FSHR: variants seen among roughly 807,000 people sequenced by gnomAD.
The protein encoded by FSHR is follicle stimulating hormone receptor, also known as follicle-stimulating hormone receptor.
FSHR carries 46 observed loss-of-function variants against 52.1 expected under a neutral mutation model. The ratio of observed to expected loss-of-function variants is 0.88; its 90% CI spans 0.70 to 1.13. The LOEUF is 1.13. Among genes scored for constraint, FSHR ranks in the 50% most tolerant of loss-of-function variants. FSHR has a pLI of 0.00. For synonymous variants in FSHR, 399 were observed against 309.6 expected (o/e 1.29, Z -3.03); for missense variants, 964 against 834.6 (o/e 1.16, Z -1.91).
chr2:48,967,007 C>G (rs759019887), intron 9 of FSHR, among the ~76,000 whole-genome samples: 7 of 152,170 alleles, frequency 4.6e-5, no homozygotes, highest in Non-Finnish European at 1.0e-4. Context: ...CTAGAGGAGT[C>G]TGAGTAACAC....
intron 2 of FSHR, among the ~76,000 whole-genome samples, chr2:49,056,911 T>C (rs1669086762): frequency 6.6e-6 from 1 of 152,108 alleles, no homozygotes; most frequent in Non-Finnish European, 1.5e-5. Context: ...CATTTCTGAA[T>C]AATCAATGGG....
At chr2:49,037,084 C>T (rs1304244945) in intron 2 of FSHR, among the ~76,000 whole-genome samples, 1 of 152,142 alleles carries the variant, frequency 6.6e-6, no homozygotes, top group Non-Finnish European at 1.5e-5. Flanking sequence ...GAACTACTTG[C>T]ATAAAGCCTG....
intron 3 of FSHR, 61 bp downstream of exon 3, chr2:49,020,024 GA>G (rs1667632539): frequency 3.6e-6 from 5 of 1,388,666 alleles, no homozygotes; most frequent in Non-Finnish European, 5.1e-6. Flanking sequence ...CAGGAATGTA[GA>G]AGAACTTTAA....
chr2:49,086,768 G>C (rs1670408464), intron 1 of FSHR, among the ~76,000 whole-genome samples: 1 of 152,136 alleles, frequency 6.6e-6, no homozygotes, highest in Non-Finnish European at 1.5e-5. Context: ...AGCCTCCCAG[G>C]TAGCTGGGAT....
At chr2:49,093,595 CTTTTT>C (rs375094387) in intron 1 of FSHR, among the ~76,000 whole-genome samples, 1 of 132,942 alleles carries the variant, frequency 7.5e-6, no homozygotes, top group African/African-American at 2.8e-5. Flanking sequence ...TTATATTTAT[CTTTTT>C]TTTTTTTTTT....
At chr2:49,006,757 C>G (rs1186756086) in intron 4 of FSHR, among the ~76,000 whole-genome samples, 2 of 152,102 alleles carry the variant, frequency 1.3e-5, no homozygotes, top group South Asian at 4.1e-4. Flanking sequence ...CTTTTCTCCC[C>G]AAAGGACTGA....
Position 48,982,973 on chromosome 2 carries a change from T to C in FSHR, c.607A>G (p.Asn203Asp). 6.2e-7 allele frequency: 1 copy of C among 1,613,988 alleles called. No individual in the cohort carries two copies. The highest frequency in any genetic ancestry group is 1.1e-5 in the South Asian group (1 of 91,076). The change falls in exon 8 of 10, where the codon AAT (asparagine) becomes GAT (aspartate). Residue 203 changes from asparagine to aspartate, a missense_variant. Physicochemically the swap from Asn to Asp is conservative, Grantham distance 23. Coordinates refer to ENST00000406846, the MANE Select transcript of FSHR (RefSeq NM_000145.4). ...TTAGGCAATTCTTCTAAATTATTAT[T>C]ATCGCTTAGATTCCTGGGGATGGGG... is the stretch of plus-strand genomic sequence containing the variant. ...TQLDELNLSD[N>D]NNLEELPNDV... is the part of the protein sequence containing the mutation.
chr2:49,132,568 A>C (rs1236249110), intron 1 of FSHR, among the ~76,000 whole-genome samples: 1 of 152,182 alleles, frequency 6.6e-6, no homozygotes, highest in Non-Finnish European at 1.5e-5. Context: ...GGACATGCAT[A>C]CTGAATTATT....
At chr2:49,021,886 T>TATATATATATATAGAGAGAG (rs1273265515) in intron 2 of FSHR, among the ~76,000 whole-genome samples, 11 of 25,116 alleles carry the variant, frequency 4.4e-4, no homozygotes, top group African/African-American at 5.9e-4. Flanking sequence ...TATATATATA[T>TATATATATATATAGAGAGAG]AGAGAGAGAG....
chr2:48,977,461 A>T (rs756325660), intron 8 of FSHR, among the ~76,000 whole-genome samples: 7 of 152,160 alleles, frequency 4.6e-5, no homozygotes, highest in Non-Finnish European at 1.0e-4. Flanking sequence ...AAACTAATGG[A>T]AGGGGAAAGG....
At chr2:49,084,691 C>T (rs1670309156) in intron 1 of FSHR, among the ~76,000 whole-genome samples, 1 of 152,192 alleles carries the variant, frequency 6.6e-6, no homozygotes, top group Non-Finnish European at 1.5e-5. Flanking sequence ...GAAATACAAA[C>T]TACCATCAGA....
chr2:49,083,826 A>G (rs1209094972), intron 1 of FSHR, among the ~76,000 whole-genome samples: 2 of 146,640 alleles, frequency 1.4e-5, no homozygotes, highest in Middle Eastern at 3.2e-3. Context: ...CCAATACAGG[A>G]GCACCCAGAT....
chr2:49,109,517 G>C (rs539474173), intron 1 of FSHR, among the ~76,000 whole-genome samples: 28 of 152,264 alleles, frequency 1.8e-4, no homozygotes, highest in Non-Finnish European at 4.4e-5. Flanking sequence ...CTGAGGTCAA[G>C]CGCATGGAGG....
intron 4 of FSHR, among the ~76,000 whole-genome samples, chr2:49,007,663 T>C (rs906304728): frequency 4.6e-5 from 7 of 152,080 alleles, no homozygotes; most frequent in Admixed American, 3.9e-4. Flanking sequence ...TGCTGAGTAG[T>C]AGATGTCCTA....
intron 1 of FSHR, among the ~76,000 whole-genome samples, chr2:49,069,813 T>C (rs949034457): frequency 4.6e-5 from 7 of 152,170 alleles, no homozygotes; most frequent in African/African-American, 1.4e-4. Context: ...AGGGATTTGG[T>C]TTTCTTTCAT....
At chr2:49,057,777 A>G (rs1355184999) in intron 2 of FSHR, among the ~76,000 whole-genome samples, 1 of 152,206 alleles carries the variant, frequency 6.6e-6, no homozygotes, top group African/African-American at 2.4e-5. Context: ...CCATAATAAA[A>G]TACTAGCAAT....
At chr2:48,970,895 G>A (rs893384362) in intron 8 of FSHR, among the ~76,000 whole-genome samples, 4 of 152,096 alleles carry the variant, frequency 2.6e-5, no homozygotes, top group Admixed American at 2.6e-4. Context: ...GTTCTCTCAA[G>A]CCTAACTTTT....
intron 1 of FSHR, among the ~76,000 whole-genome samples, chr2:49,106,457 C>A (rs2103739985): frequency 6.6e-6 from 1 of 152,222 alleles, no homozygotes; most frequent in Non-Finnish European, 1.5e-5. Flanking sequence ...TCCAGAATAA[C>A]CTTCAATAAT....
chr2:49,024,377 C>A (rs368499208), intron 2 of FSHR, among the ~76,000 whole-genome samples: 2 of 152,002 alleles, frequency 1.3e-5, no homozygotes, highest in East Asian at 3.9e-4. Context: ...GAGTTTGAGA[C>A]CAGCCTGAGC....
Sources: allele counts gnomAD v4.1 joint callset (sites outside exome capture counted in the v4.1 genomes callset), GRCh38; gene constraint gnomAD v4.1.1; transcripts MANE v1.5; gene names NCBI Gene and HGNC (gene_info 2026-07-23, HGNC 2026-07-21).